The following STAM2 variants were observed in gnomAD, a reference collection of about 807,000 sequenced individuals.
STAM2 encodes signal transducing adaptor molecule 2.
In STAM2, 51 loss-of-function variants were observed where a neutral mutation model predicts 65.6. The observed-to-expected ratio is 0.78, with a 90% CI of 0.62 to 0.98. The LOEUF (loss-of-function observed/expected upper bound fraction) is 0.98. STAM2 is among the 50% of genes least tolerant of loss of function. The pLI, the probability that STAM2 is intolerant of heterozygous loss-of-function variation, is 0.00. For missense variants in STAM2, 584 were observed against 617.8 expected, an observed-to-expected ratio of 0.95 and a Z score of 0.58; for synonymous variants, 198 against 208.4, an observed-to-expected ratio of 0.95 and a Z score of 0.43.
intron 7 of STAM2, among the ~76,000 whole-genome samples, chr2:152,141,265 G>T (rs1296042016): frequency 6.6e-6 from 1 of 152,076 alleles, no homozygotes; most frequent in Non-Finnish European, 1.5e-5. Flanking sequence ...GGCCGGCACA[G>T]TGGCTCACGC....
chr2:152,134,209 G>A (rs1045061359), intron 8 of STAM2, among the ~76,000 whole-genome samples: 1 of 152,128 alleles, frequency 6.6e-6, no homozygotes, highest in Non-Finnish European at 1.5e-5. Context: ...CCAACTGTTA[G>A]TCATTTATTT....
intron 1 of STAM2, among the ~76,000 whole-genome samples, chr2:152,160,984 C>T (rs944174588): frequency 6.6e-6 from 1 of 152,184 alleles, no homozygotes; most frequent in African/African-American, 2.4e-5. Flanking sequence ...GCCACCACCC[C>T]GTCTGGGAGG....
chr2:152,171,071 C>G (rs942943382), intron 1 of STAM2, among the ~76,000 whole-genome samples: 1 of 151,998 alleles, frequency 6.6e-6, no homozygotes. Context: ...TTAAAAACAT[C>G]CAAACAATAT....
At chr2:152,145,857 C>T (rs1689328947) in intron 5 of STAM2, among the ~76,000 whole-genome samples, 1 of 152,228 alleles carries the variant, frequency 6.6e-6, no homozygotes, top group South Asian at 2.1e-4. Flanking sequence ...CGGTTCTTTA[C>T]ATAGATTTTT....
At chr2:152,131,750 C>A in intron 11 of STAM2, 1 of 222,814 alleles carries the variant, frequency 4.5e-6, no homozygotes, top group African/African-American at 2.3e-5. Context: ...TTGGCCAAAA[C>A]TGCTGTCCAT....
intron 1 of STAM2, among the ~76,000 whole-genome samples, chr2:152,158,113 G>A (rs1366072299): frequency 6.6e-6 from 1 of 152,224 alleles, no homozygotes; most frequent in Non-Finnish European, 1.5e-5. Context: ...ATTGGTGAAT[G>A]CTCAGCAGAG....
intron 1 of STAM2, among the ~76,000 whole-genome samples, chr2:152,160,874 G>T (rs1336150965): frequency 2.7e-5 from 4 of 148,668 alleles, no homozygotes; most frequent in South Asian, 2.1e-4. Context: ...GGAGGGAGGT[G>T]GGGGGGTCAG....
chr2:152,137,221 G>A (rs1222456972), intron 7 of STAM2, among the ~76,000 whole-genome samples: 3 of 152,018 alleles, frequency 2.0e-5, no homozygotes, highest in Non-Finnish European at 4.4e-5. Context: ...ATTGCCAAAT[G>A]TTCCCTAGAA....
intron 1 of STAM2, 104 bp from the exon 2 acceptor site, chr2:152,150,333 G>A (rs1197879282): frequency 1.4e-5 from 10 of 697,874 alleles, no homozygotes; most frequent in Non-Finnish European, 2.2e-5. Context: ...TTCTATTGCC[G>A]AAGATACTAC....
Position 152,120,744 on chromosome 2 carries a change from A to G in STAM2, c.1408T>C (p.Ser470Pro), listed in dbSNP as rs746815287. The change falls in exon 14 of 14, where the codon TCA becomes CCA. Residue 470 changes from serine to proline, a missense_variant. By Grantham distance (74) the Ser-to-Pro change is moderately conservative. Transcript: ENST00000263904. ...TYMNQNSNLQ[S>P]ATGTTAYTQQ... ...GTGTAAGCAGTTGTACCAGTAGCTG[A>G]CTGTAGGTTAGAGTTCTGGTTCATA... is the stretch of plus-strand genomic sequence containing the variant. The G allele has an allele frequency of 6.2e-7, 1 of 1,614,198 alleles. No homozygotes were observed.
At chr2:152,143,355 G>A (rs548851764) in intron 7 of STAM2, among the ~76,000 whole-genome samples, 1 of 152,282 alleles carries the variant, frequency 6.6e-6, no homozygotes, top group African/African-American at 2.4e-5. Context: ...AAGCTCTACA[G>A]AGATTGATCT....
chr2:152,143,424 A>T (rs1478300286), intron 7 of STAM2, among the ~76,000 whole-genome samples: 1 of 152,230 alleles, frequency 6.6e-6, no homozygotes, highest in Non-Finnish European at 1.5e-5. Flanking sequence ...GTAGTAGATT[A>T]AGAATTGGGG....
chr2:152,161,807 T>C (rs1176782471), intron 1 of STAM2, among the ~76,000 whole-genome samples: 1 of 152,204 alleles, frequency 6.6e-6, no homozygotes, highest in African/African-American at 2.4e-5. Context: ...TAAAAATACA[T>C]TCTGCATACC....
At chr2:152,130,260 T>C (rs749067181) in intron 11 of STAM2, among the ~76,000 whole-genome samples, 4 of 152,014 alleles carry the variant, frequency 2.6e-5, no homozygotes, top group Admixed American at 6.5e-5. Flanking sequence ...TATTTATTTA[T>C]TTATTTTTTG....
intron 11 of STAM2, among the ~76,000 whole-genome samples, chr2:152,129,725 G>A (rs2105532406): frequency 6.6e-6 from 1 of 152,232 alleles, no homozygotes; most frequent in Admixed American, 6.5e-5. Context: ...TAAACATACA[G>A]CCACATCTAT....
At position 152,121,401 on chromosome 2, in the gene STAM2, G is replaced by A. The variant is rs1051215033; in HGVS notation, c.1350-599C>T. Among the ~76,000 whole-genome samples the A allele has an allele frequency of 4.6e-5, 7 of 152,164 alleles. No individual in the cohort carries two copies. In the South Asian group the frequency reaches 6.2e-4, roughly 14 times the overall value. The stretch of plus-strand genomic sequence containing the variant: ...AACTAAAAACATTCAGAAACCACCT[G>A]AGGAGATGCAAACTGTTCCTGACAG... On this transcript the variant is annotated intron_variant, in intron 13 of 13. Coordinates refer to ENST00000263904, the MANE Select transcript of STAM2 (RefSeq NM_005843.6).
At chr2:152,157,933 C>G (rs1004697377) in intron 1 of STAM2, among the ~76,000 whole-genome samples, 1 of 152,210 alleles carries the variant, frequency 6.6e-6, no homozygotes, top group South Asian at 2.1e-4. Flanking sequence ...ATTTAGCCTC[C>G]CTACAAAGAA....
intron 1 of STAM2, among the ~76,000 whole-genome samples, chr2:152,164,149 G>C (rs1477379397): frequency 6.6e-6 from 1 of 152,104 alleles, no homozygotes; most frequent in Non-Finnish European, 1.5e-5. Flanking sequence ...TGGTGGCCCA[G>C]CTGTAAAATT....
chr2:152,152,536 G>C (rs1242524305), intron 1 of STAM2, among the ~76,000 whole-genome samples: 2 of 150,620 alleles, frequency 1.3e-5, no homozygotes, highest in African/African-American at 2.4e-5. Context: ...GTGACAGAGT[G>C]AGACTCTGTC....
Sources: gnomAD v4.1 joint callset for allele counts (sites outside exome capture counted in the v4.1 genomes callset) on GRCh38, gnomAD v4.1.1 for gene constraint, MANE v1.5 for transcripts, NCBI Gene and HGNC (gene_info 2026-07-23, HGNC 2026-07-21) for gene names.